Variants in NAV2 observed in about 807,000 individuals in gnomAD.
The protein encoded by NAV2 is neuron navigator 2, also known as helicase, APC down-regulated 1.
Under a neutral mutation model 223.2 loss-of-function variants are expected in NAV2, and 54 were observed. The observed-to-expected ratio is 0.24, with a 90% CI of 0.19 to 0.30. The LOEUF (loss-of-function observed/expected upper bound fraction) is 0.30. NAV2 is among the 10% of genes least tolerant of loss of function. The pLI is 1.00. For missense variants in NAV2, 2,806 were observed against 3,147.5 expected (o/e 0.89, Z 2.60); for synonymous variants, 1,279 against 1,239.3 (o/e 1.03, Z -0.67).
At chr11:19,731,515 A>G (rs147732929) in intron 1 of NAV2, among the ~76,000 whole-genome samples, 3 of 152,334 alleles carry the variant, frequency 2.0e-5, no homozygotes, top group African/African-American at 7.2e-5. Context: ...GAGCAACTAT[A>G]ATTCAGTGAA....
chr11:20,074,869 A>G (rs995462596), intron 22 of NAV2, among the ~76,000 whole-genome samples: 2 of 150,932 alleles, frequency 1.3e-5, no homozygotes, highest in Non-Finnish European at 2.9e-5. Context: ...AATACAGCAC[A>G]CTGAAGGGTC....
At chr11:19,446,079 G>C (rs1470190147) in intron 1 of NAV2, among the ~76,000 whole-genome samples, 2 of 152,118 alleles carry the variant, frequency 1.3e-5, no homozygotes, top group African/African-American at 2.4e-5. Context: ...ACTTTTTCCA[G>C]ATCTTAGTTT....
chr11:19,889,635 G>A (rs1591086789), intron 5 of NAV2, among the ~76,000 whole-genome samples: 1 of 152,164 alleles, frequency 6.6e-6, no homozygotes, highest in Admixed American at 6.5e-5. Flanking sequence ...TTTGAACGAT[G>A]TGCTGCTCCC....
intron 26 of NAV2, 71 bp downstream of exon 26, chr11:20,083,250 G>T (rs1444728381): frequency 1.5e-6 from 2 of 1,296,900 alleles, no homozygotes; most frequent in Non-Finnish European, 2.2e-6. Context: ...ATGGCTAGGA[G>T]TCCTGTTATG....
intron 3 of NAV2, 122 bp downstream of exon 3, chr11:19,843,045 C>A: frequency 1.3e-6 from 1 of 755,574 alleles, no homozygotes; most frequent in Non-Finnish European, 2.2e-6. Flanking sequence ...TATTAATAAA[C>A]TCACAGCTAT....
At chr11:20,005,170 C>T (rs1405184943) in intron 11 of NAV2, among the ~76,000 whole-genome samples, 1 of 151,914 alleles carries the variant, frequency 6.6e-6, no homozygotes, top group East Asian at 1.9e-4. Context: ...AAGAAACTGC[C>T]ACACGATAGA....
At chr11:19,827,040 G>A (rs1398963126) in intron 1 of NAV2, among the ~76,000 whole-genome samples, 1 of 152,166 alleles carries the variant, frequency 6.6e-6, no homozygotes, top group Non-Finnish European at 1.5e-5. Flanking sequence ...AGGAAATTAA[G>A]AGGGACTTGA....
chr11:20,103,438 C>G, intron 33 of NAV2, 29 bp downstream of exon 33: 2 of 1,604,602 alleles, frequency 1.2e-6, no homozygotes, highest in Non-Finnish European at 1.7e-6. Flanking sequence ...CCTCATAGCC[C>G]CCCGGGAGAG....
chr11:19,348,969 T>C (rs1853143496), upstream of NAV2, among the ~76,000 whole-genome samples: 1 of 152,222 alleles, frequency 6.6e-6, no homozygotes, highest in South Asian at 2.1e-4. Context: ...AGAATGATTC[T>C]GAGGTTTCAC....
chr11:20,045,439 G>A lies in NAV2; in HGVS notation c.3671G>A (p.Gly1224Asp), dbSNP rs763690826. The A allele has an allele frequency of 5.0e-6, 8 of 1,614,162 alleles. No individual in the cohort carries two copies. Among genetic ancestry groups the A allele is most frequent in the Non-Finnish European group, 6.8e-6 (8 of 1,180,028 alleles). Reference protein sequence around the residue: ...IDSNISSKSAGLPVPKLREPS... With the variant: ...IDSNISSKSADLPVPKLREPS... ...TCCAACATTAGCAGCAAGTCCGCAG[G>A]CCTGCCAGTGCCCAAACTGAGGGAG... The change falls in exon 14 of 38, where the codon GGC (glycine) becomes GAC (aspartate). Residue 1224 changes from glycine to aspartate, a missense_variant. Around this residue, in one of 4 missense-constraint regions of NAV2, gnomAD observed 742 missense variants for 777.9 expected, o/e 0.95. Coordinates refer to ENST00000349880, the MANE Select transcript of NAV2 (RefSeq NM_145117.5).
At chr11:19,659,871 G>A (rs997122799) in intron 1 of NAV2, among the ~76,000 whole-genome samples, 1 of 151,968 alleles carries the variant, frequency 6.6e-6, no homozygotes, top group Non-Finnish European at 1.5e-5. Flanking sequence ...TACTTCACAG[G>A]GTTGTTGTGA....
In NAV2 at chr11:19,419,941, G is replaced by A. The variant is rs926005117; in HGVS notation, c.75+68914G>A. On this transcript the variant is annotated intron_variant, in intron 1 of 37. Transcript: ENST00000360655. ...TGCTGTGAGGGTGAGATGAACGAAT[G>A]AGCAAAGCCCTGGGTCAGGGCTTTG... is the stretch of plus-strand genomic sequence containing the variant. Among the ~76,000 whole-genome samples, 45 of 152,192 alleles carry A rather than the reference G, an allele frequency of 3.0e-4. 1 individual carries two copies. The highest frequency in any genetic ancestry group is 1.1e-3 in the African/African-American group (44 of 41,454).
intron 1 of NAV2, among the ~76,000 whole-genome samples, chr11:19,823,343 G>A (rs1034795845): frequency 5.3e-5 from 8 of 152,176 alleles, no homozygotes; most frequent in Non-Finnish European, 4.4e-5. Flanking sequence ...AAGTAGCTGG[G>A]ATTATGGGTG....
chr11:19,346,652 G>A (rs1369927676), upstream of NAV2, among the ~76,000 whole-genome samples: 6 of 152,168 alleles, frequency 3.9e-5, no homozygotes, highest in African/African-American at 9.7e-5. Context: ...CGCTCCGCTC[G>A]CTCGCAGTGC....
At chr11:20,106,175 A>ATATATATATATGTGTG (rs11267537) in intron 35 of NAV2, among the ~76,000 whole-genome samples, 10 of 35,838 alleles carry the variant, frequency 2.8e-4, no homozygotes, top group Non-Finnish European at 4.7e-4. Flanking sequence ...ATATATATAT[A>ATATATATATATGTGTG]TGTGTGTGTA....
At chr11:19,437,966 A>C (rs970368243) in intron 1 of NAV2, among the ~76,000 whole-genome samples, 9 of 152,220 alleles carry the variant, frequency 5.9e-5, no homozygotes, top group African/African-American at 1.7e-4. Flanking sequence ...CTCTGTGCCA[A>C]CATAATCACT....
chr11:19,911,832 C>T (rs559691277), intron 6 of NAV2, among the ~76,000 whole-genome samples: 12 of 152,220 alleles, frequency 7.9e-5, no homozygotes, highest in South Asian at 4.2e-4. Context: ...AAAGGGAGAG[C>T]GCATCTTGAT....
chr11:19,424,548 T>G (rs898381291), intron 1 of NAV2, among the ~76,000 whole-genome samples: 1 of 152,108 alleles, frequency 6.6e-6, no homozygotes, highest in African/African-American at 2.4e-5. Flanking sequence ...TTCAGTGTTT[T>G]TTTGTTTGTT....
Position 19,842,105 on chromosome 11 carries a change from AAC to A in NAV2, c.386-762_386-761del, listed in dbSNP as rs1368608070. 2.0e-5 allele frequency among the ~76,000 whole-genome samples: 3 copies of A among 152,154 alleles called. No homozygotes were observed. In the East Asian group the frequency reaches 5.8e-4, roughly 29 times the overall value. ...CCTTTCTTGTGCTGCTGTATTCTCA[AAC>A]ACAGTCTCTCCATAGATATCTTGGA... is the stretch of plus-strand genomic sequence containing the variant. On this transcript the variant is annotated intron_variant, in intron 2 of 37. Transcript: ENST00000349880.
Sources: allele counts gnomAD v4.1 joint callset (sites outside exome capture counted in the v4.1 genomes callset), GRCh38; gene constraint gnomAD v4.1.1; regional missense constraint gnomAD v4.1.1; transcripts MANE v1.5; gene names NCBI Gene and HGNC (gene_info 2026-07-23, HGNC 2026-07-21).